MYL5: variants seen among roughly 807,000 people sequenced by gnomAD.
MYL5 encodes myosin light chain 5, also known as myosin regulatory light chain 5.
Under a neutral mutation model 20.8 loss-of-function variants are expected in MYL5, and 28 were observed. That is an observed-to-expected ratio of 1.35 (90% CI 1.00 to 1.84). The LOEUF is 1.84. MYL5 is among the 40% of genes most tolerant of loss of function. The probability of loss-of-function intolerance (pLI) is 0.00; values close to 1 mark genes in which losing one functional copy is unlikely to be tolerated. For synonymous variants in MYL5, 118 were observed against 87.4 expected (o/e 1.35, Z -1.95); for missense variants, 274 against 227.3 (o/e 1.21, Z -1.32).
At chr4:679,695 C>T (rs1463544440) in intron 3 of MYL5, among the ~76,000 whole-genome samples, 2 of 152,322 alleles carry the variant, frequency 1.3e-5, no homozygotes, top group Admixed American at 6.5e-5. Context: ...GTGTCACCTC[C>T]CTCTCCCTCA....
chr4:679,954 C>CA lies in MYL5; in HGVS notation c.231dup (p.Glu78ArgfsTer30). 6.2e-7 allele frequency: 1 copy of CA among 1,613,788 alleles called. No homozygotes were observed. Among genetic ancestry groups the CA allele is most frequent in the Non-Finnish European group, 8.5e-7 (1 of 1,179,910 alleles). The stretch of plus-strand genomic sequence containing the variant: ...AGGACGACGAGCTGGACGCCATGCT[C>CA]AAAGAGGCCTCGGGGCCCATCAACT... On this transcript the variant is annotated frameshift_variant, in exon 4 of 7. Transcript: ENST00000400159. LOFTEE classifies it high-confidence loss of function.
chr4:680,756 C>G, intron 5 of MYL5, 169 bp downstream of exon 7: 1 of 717,828 alleles, frequency 1.4e-6, no homozygotes, highest in South Asian at 1.8e-5. Context: ...GGGAGGCCAG[C>G]CCTGCTCACA....
upstream of MYL5, chr4:675,919 A>G (rs1333598068): frequency 6.6e-6 from 1 of 152,206 alleles, no homozygotes; most frequent in African/African-American, 2.4e-5. Context: ...CCTCCCCAAC[A>G]CGGAAAAACT....
chr4:680,616 G>A (rs1739373138), intron 5 of MYL5, 29 bp downstream of exon 7: 6 of 1,604,916 alleles, frequency 3.7e-6, no homozygotes, highest in Non-Finnish European at 5.1e-6. Context: ...AGGGCGGCCC[G>A]GCTTCCGGGG....
chr4:678,969 C>G (rs1439145636), exon 3 of MYL5: 4 of 1,613,804 alleles, frequency 2.5e-6, no homozygotes, highest in Non-Finnish European at 3.4e-6. Context: ...CATTCACACT[C>G]ATGGATCAGA....
intron 3 of MYL5, among the ~76,000 whole-genome samples, chr4:679,330 CA>C (rs971321905): frequency 2.7e-4 from 29 of 108,470 alleles, no homozygotes; most frequent in African/African-American, 1.2e-3. Flanking sequence ...ACGCCACAGG[CA>C]GGCAGGCGGC....
In MYL5 at chr4:681,103, T is replaced by C. The variant is rs201359022; in HGVS notation, c.383T>C (p.Leu128Pro). The change falls in exon 6 of 7, where the codon CTG becomes CCG. Residue 128 changes from leucine to proline, a missense_variant. Transcript: ENST00000400159. ...TTCCTCGTCCTCAGCATCAAGCGTC[T>C]GCTGATGTCCCAGGCTGACAAGATG... The C allele has an allele frequency of 1.3e-4, 215 of 1,605,004 alleles. 2 individuals are homozygous for C. In the East Asian group the frequency reaches 4.6e-3, roughly 34 times the overall value.
chr4:680,681 G>A (rs1345052795), intron 5 of MYL5, 94 bp downstream of exon 7: 16 of 1,298,114 alleles, frequency 1.2e-5, no homozygotes, highest in Non-Finnish European at 1.5e-5. Context: ...CAGATGCCAC[G>A]CCCACCTCCC....
At chr4:676,969 C>T (rs1577326667), upstream of MYL5, 9 of 978,812 alleles carry the variant, frequency 9.2e-6, no homozygotes, top group South Asian at 4.3e-4. Flanking sequence ...ATGTGTCCCT[C>T]AGGGGGTAGG....
rs1200624675 is a variant in MYL5, at chr4:681,088, T to A, written c.372-4T>A. On this transcript the variant is annotated splice_polypyrimidine_tract_variant and splice_region_variant and intron_variant, in intron 5 of 6. Transcript: ENST00000400159. ...CCCGCGCTGACCCCTTTCCTCGTCCTCAGCATCAAGCGTCTGCTGATGTCC... is the reference window on the plus strand; with the variant it reads ...CCCGCGCTGACCCCTTTCCTCGTCCACAGCATCAAGCGTCTGCTGATGTCC... 6.2e-7 allele frequency: 1 copy of A among 1,600,192 alleles called. No homozygotes were observed. Among genetic ancestry groups the A allele is most frequent in the Non-Finnish European group, 8.5e-7 (1 of 1,174,166 alleles).
chr4:679,828 C>G, intron 3 of MYL5, 86 bp from the exon 6 acceptor site: 2 of 1,160,590 alleles, frequency 1.7e-6, no homozygotes, highest in Non-Finnish European at 2.5e-6. Flanking sequence ...TCCCATCTGC[C>G]TGCCTGGCCC....
chr4:681,975 GGGA>G (rs758375569), exon 7 of MYL5: 3 of 1,397,708 alleles, frequency 2.1e-6, no homozygotes, highest in East Asian at 5.5e-5. Flanking sequence ...ATCACCCACG[GGGA>G]GGAGAAGGAG....
At chr4:681,171 C>G (rs777350526) in intron 6 of MYL5, 31 bp downstream of exon 8, 5 of 1,593,668 alleles carry the variant, frequency 3.1e-6, no homozygotes, top group Non-Finnish European at 4.3e-6. Context: ...GCCAAGCCCA[C>G]GAGGGGAGGG....
rs1739022909 is a variant in MYL5, at chr4:678,048, A to G, written c.3+19A>G. The G allele has an allele frequency of 6.2e-7, 1 of 1,613,156 alleles. No individual in the cohort carries two copies. Among genetic ancestry groups the G allele is most frequent in the Non-Finnish European group, 8.5e-7 (1 of 1,179,878 alleles). ...AGGCATGGTGAGCAGGCCGCCGTGC[A>G]TGCCTGGGGCAGGCGTGTGGGTGTG... On this transcript the variant is annotated intron_variant, in intron 1 of 6. Transcript: ENST00000400159.
chr4:680,910 C>T lies in MYL5; in HGVS notation c.372-182C>T, dbSNP rs1463442327. On this transcript the variant is annotated intron_variant, in intron 5 of 6. Transcript: ENST00000400159. ...CGGCTCTGTCCCCATCAGCGGCTCCCCCAGAAGTGATGGCCCCTGAGTGTG... is the reference window on the plus strand; with the variant it reads ...CGGCTCTGTCCCCATCAGCGGCTCCTCCAGAAGTGATGGCCCCTGAGTGTG... The T allele has an allele frequency of 7.0e-6, 5 of 717,414 alleles. No homozygotes were observed. The African/African-American group carries it at 7.1e-5, about 10-fold the overall frequency. 44.4% of individuals were successfully genotyped at this position (717,414 alleles called of 1,614,324 possible).
chr4:681,707 C>G, intron 6 of MYL5, 186 bp from the exon 9 acceptor site: 1 of 85,000 alleles, frequency 1.2e-5, no homozygotes, highest in Middle Eastern at 3.6e-3. Flanking sequence ...GCCGCCCCGC[C>G]CCCTCCAGCG....
At chr4:680,856 G>A in intron 5 of MYL5, 1 of 638,122 alleles carries the variant, frequency 1.6e-6, no homozygotes, top group East Asian at 2.7e-5. Flanking sequence ...GCCGGGGAAA[G>A]TACCAGGCGC....
intron 3 of MYL5, 87 bp downstream of exon 5, chr4:679,120 A>C (rs924380115): frequency 7.6e-7 from 1 of 1,315,314 alleles, no homozygotes; most frequent in Non-Finnish European, 1.1e-6. Context: ...CCCCTCCTCG[A>C]ATGGAGCCAG....
chr4:675,201 T>G (rs1319490902), upstream of MYL5: 1 of 152,502 alleles, frequency 6.6e-6, no homozygotes, highest in Non-Finnish European at 1.5e-5. Flanking sequence ...GCGGTGCCTA[T>G]GCAGCCTCCC....
Sources: gnomAD v4.1 joint callset for allele counts (sites outside exome capture counted in the v4.1 genomes callset) on GRCh38, gnomAD v4.1.1 for gene constraint, MANE v1.5 for transcripts, NCBI Gene and HGNC (gene_info 2026-07-23, HGNC 2026-07-21) for gene names.